The following SPATA17 variants were observed in gnomAD, a reference collection of about 807,000 sequenced individuals.
The protein encoded by SPATA17 is spermatogenesis-associated protein 17.
In SPATA17, 53 loss-of-function variants were observed where a neutral mutation model predicts 62.2. That is an observed-to-expected ratio of 0.85 (90% CI 0.68 to 1.07). The LOEUF is 1.07. SPATA17 is among the 50% of genes least tolerant of loss of function. The pLI is 0.00. For missense variants in SPATA17, 466 were observed against 425.5 expected (o/e 1.10, Z -0.84); for synonymous variants, 146 against 146.8 (o/e 0.99, Z 0.04).
Position 217,864,438 on chromosome 1 carries a change from C to T in SPATA17, c.*2+1582C>T, listed in dbSNP as rs1447798565. Reference sequence around the variant, plus strand: ...ACAATATATTTCTAGGAAAAGAAGACGGGATTCAAAGTACGCTGTGTAGTC... The same window carrying T: ...ACAATATATTTCTAGGAAAAGAAGATGGGATTCAAAGTACGCTGTGTAGTC... On this transcript the variant is annotated intron_variant, in intron 10 of 10. Coordinates refer to ENST00000366933, the MANE Select transcript of SPATA17 (RefSeq NM_138796.4). Among the ~76,000 whole-genome samples the T allele has an allele frequency of 5.3e-5, 8 of 151,970 alleles. No individual in the cohort carries two copies. The South Asian group carries it at 6.2e-4, about 12-fold the overall frequency.
chr1:217,844,079 C>T (rs571440259), intron 9 of SPATA17, among the ~76,000 whole-genome samples: 90 of 152,218 alleles, frequency 5.9e-4, no homozygotes, highest in African/African-American at 2.1e-3. Context: ...TAGTCTGACG[C>T]AGTTTCGTAG....
intron 1 of SPATA17, among the ~76,000 whole-genome samples, chr1:217,644,616 A>G (rs566855027): frequency 9.2e-5 from 14 of 152,094 alleles, no homozygotes; most frequent in African/African-American, 2.9e-4. Context: ...ATATTACTGG[A>G]AAGATATTTA....
intron 1 of SPATA17, among the ~76,000 whole-genome samples, chr1:217,641,258 A>T (rs1670056083): frequency 6.6e-6 from 1 of 152,140 alleles, no homozygotes; most frequent in Non-Finnish European, 1.5e-5. Flanking sequence ...AGCAAATGAG[A>T]TTAACAAGAC....
At position 217,870,301 on chromosome 1, in the gene SPATA17, A is replaced by C. The variant is rs1239974356; in HGVS notation, c.*3282A>C. 3.3e-5 allele frequency: 5 copies of C among 152,142 alleles called. No individual in the cohort carries two copies. The highest frequency in any genetic ancestry group is 1.2e-4 in the African/African-American group (5 of 41,448). The allele number at this position is 152,142 out of a possible 1,614,324, so 9.4% of individuals were successfully genotyped here. A position where few individuals can be genotyped will look rare whatever the true frequency, so the allele number is the denominator to read the frequency against. ...TGACTTTGATCTTCTCATAAGACTC[A>C]AGTTTTTGAATGCTTAAGGCTCTTT... On this transcript the variant is annotated 3_prime_UTR_variant, in exon 11 of 11. Transcript: ENST00000366933.
intron 3 of SPATA17, among the ~76,000 whole-genome samples, chr1:217,665,809 A>G (rs1244882623): frequency 6.6e-6 from 1 of 152,210 alleles, no homozygotes; most frequent in Non-Finnish European, 1.5e-5. Context: ...CAGAAAATTA[A>G]TTATGTTTTC....
intron 9 of SPATA17, among the ~76,000 whole-genome samples, chr1:217,845,925 A>G (rs964846968): frequency 2.0e-5 from 3 of 152,076 alleles, no homozygotes; most frequent in African/African-American, 7.2e-5. Flanking sequence ...TGTGCTTATT[A>G]AAGATGGAAA....
chr1:217,721,480 T>A (rs1373128105), intron 5 of SPATA17, among the ~76,000 whole-genome samples: 1 of 152,188 alleles, frequency 6.6e-6, no homozygotes, highest in African/African-American at 2.4e-5. Context: ...TTGGGTCTGG[T>A]GGCTTTCCTT....
intron 8 of SPATA17, among the ~76,000 whole-genome samples, chr1:217,786,974 G>A (rs546623184): frequency 3.9e-5 from 6 of 151,956 alleles, no homozygotes; most frequent in South Asian, 2.1e-4. Context: ...TGTCCTAAAC[G>A]CAGTATATAA....
intron 5 of SPATA17, among the ~76,000 whole-genome samples, chr1:217,727,958 G>C (rs531920939): frequency 6.6e-6 from 1 of 152,014 alleles, no homozygotes; most frequent in Non-Finnish European, 1.5e-5. Context: ...GCTCTGTTTT[G>C]GGTTGACTAG....
intron 6 of SPATA17, 65 bp from the exon 7 acceptor site, chr1:217,774,269 C>A: frequency 7.2e-7 from 1 of 1,388,682 alleles, no homozygotes; most frequent in Non-Finnish European, 1.0e-6. Flanking sequence ...TTTCATGGTA[C>A]AACTCTTTCC....
chr1:217,805,170 A>G (rs1331673914), intron 9 of SPATA17, among the ~76,000 whole-genome samples: 2 of 152,230 alleles, frequency 1.3e-5, no homozygotes, highest in African/African-American at 4.8e-5. Context: ...AAAATGTGCT[A>G]GATGTACACA....
At chr1:217,855,192 C>T (rs1056662370) in intron 9 of SPATA17, among the ~76,000 whole-genome samples, 3 of 152,206 alleles carry the variant, frequency 2.0e-5, no homozygotes, top group African/African-American at 7.2e-5. Context: ...AACGTTTTTG[C>T]AGCATATTTT....
At chr1:217,632,750 G>A (rs532316640) in intron 1 of SPATA17, among the ~76,000 whole-genome samples, 2 of 152,240 alleles carry the variant, frequency 1.3e-5, no homozygotes, top group Admixed American at 1.3e-4. Context: ...TGTAGCCCTG[G>A]TTTAAGTAAA....
intron 3 of SPATA17, among the ~76,000 whole-genome samples, chr1:217,660,596 T>C (rs1157031280): frequency 6.6e-6 from 1 of 152,240 alleles, no homozygotes; most frequent in African/African-American, 2.4e-5. Context: ...GGCTTGTCTA[T>C]GTGTTGTGAG....
chr1:217,733,065 T>C (rs1218925088), intron 5 of SPATA17, among the ~76,000 whole-genome samples: 1 of 152,190 alleles, frequency 6.6e-6, no homozygotes, highest in Non-Finnish European at 1.5e-5. Flanking sequence ...CTTATTGCTT[T>C]TTATAATCAT....
chr1:217,755,194 T>G (rs965875866), intron 6 of SPATA17, among the ~76,000 whole-genome samples: 1 of 152,162 alleles, frequency 6.6e-6, no homozygotes, highest in Admixed American at 6.5e-5. Context: ...TGGTGTGATA[T>G]GATTTTAAGT....
chr1:217,720,599 C>T (rs375167360), intron 5 of SPATA17, among the ~76,000 whole-genome samples: 2 of 151,968 alleles, frequency 1.3e-5, no homozygotes, highest in South Asian at 2.1e-4. Context: ...TTGAGTCTTA[C>T]CTGGGCAATA....
At chr1:217,674,886 C>T (rs1670913095) in intron 4 of SPATA17, among the ~76,000 whole-genome samples, 1 of 152,060 alleles carries the variant, frequency 6.6e-6, no homozygotes, top group Admixed American at 6.6e-5. Context: ...TTTATAGGCA[C>T]AGGATAGGGG....
intron 3 of SPATA17, among the ~76,000 whole-genome samples, chr1:217,651,629 A>G (rs565937708): frequency 6.6e-6 from 1 of 152,306 alleles, no homozygotes; most frequent in African/African-American, 2.4e-5. Context: ...TCTTCTCTTC[A>G]GGACTTTCTG....
Sources: allele counts gnomAD v4.1 joint callset (sites outside exome capture counted in the v4.1 genomes callset), GRCh38; gene constraint gnomAD v4.1.1; transcripts MANE v1.5; gene names NCBI Gene and HGNC (gene_info 2026-07-23, HGNC 2026-07-21).